Variants in TAS1R1 observed in about 807,000 individuals in gnomAD.
TAS1R1 encodes taste 1 receptor member 1, also known as taste receptor type 1 member 1.
Under a neutral mutation model 45.8 loss-of-function variants are expected in TAS1R1, and 31 were observed. The observed-to-expected ratio is 0.68, with a 90% CI of 0.51 to 0.91. The LOEUF (loss-of-function observed/expected upper bound fraction) is 0.91, where lower values mean the gene tolerates loss of function less well. TAS1R1 is among the 40% of genes least tolerant of loss of function. TAS1R1 has a pLI of 0.00. For missense variants in TAS1R1, 1,051 were observed against 1,063.9 expected (o/e 0.99, Z 0.17); for synonymous variants, 437 against 448.4 (o/e 0.97, Z 0.32).
Position 6,555,565 on chromosome 1 carries a change from G to A in TAS1R1, c.191+1G>A, listed in dbSNP as rs200745059. The stretch of plus-strand genomic sequence containing the variant: ...GACCCGAGGTGACCCTGTGTGACAG[G>A]TGAGTGAGGGGCCAGCAGAGCCACA... On this transcript the variant is annotated splice_donor_variant, in intron 1 of 5. Transcript: ENST00000333172. LOFTEE classifies it high-confidence loss of function. The A allele has an allele frequency of 5.2e-6, 8 of 1,544,228 alleles. No individual in the cohort carries two copies. In the East Asian group the frequency reaches 1.7e-4, roughly 33 times the overall value.
intron 1 of TAS1R1, among the ~76,000 whole-genome samples, chr1:6,561,135 G>A (rs1639780670): frequency 6.6e-6 from 1 of 152,196 alleles, no homozygotes; most frequent in Admixed American, 6.5e-5. Context: ...GGAGATGTAG[G>A]AGGCAAGGGC....
intron 1 of TAS1R1, among the ~76,000 whole-genome samples, chr1:6,559,511 T>G (rs560660547): frequency 6.7e-6 from 1 of 149,850 alleles, no homozygotes; most frequent in East Asian, 2.0e-4. Flanking sequence ...ACAAAAAAAT[T>G]AGCTGGGCGT....
At position 6,575,299 on chromosome 1, in the gene TAS1R1, A is replaced by C. The variant is rs1221996125; in HGVS notation, c.1167A>C (p.Ala389=). ...KAFSMSSAYN[A]YRAVYAVAHG... ...TCTCCATGAGTTCTGCCTACAACGCATACCGGGCTGTGTATGCGGTGGCCC... is the reference window on the plus strand; with the variant it reads ...TCTCCATGAGTTCTGCCTACAACGCCTACCGGGCTGTGTATGCGGTGGCCC... Residue 389 remains alanine (A), a synonymous_variant, in exon 3 of 6, where the codon GCA becomes GCC. Transcript: ENST00000333172. 2 of 1,612,908 alleles carry C rather than the reference A, an allele frequency of 1.2e-6. No individual in the cohort carries two copies. Among genetic ancestry groups the C allele is most frequent in the African/African-American group, 2.7e-5 (2 of 74,906 alleles).
At chr1:6,576,735 C>A in intron 4 of TAS1R1, 108 bp downstream of exon 4, 1 of 1,405,604 alleles carries the variant, frequency 7.1e-7, no homozygotes, top group Non-Finnish European at 9.8e-7. Flanking sequence ...CCCAGGGGTC[C>A]AGCTGCCACC....
intron 1 of TAS1R1, among the ~76,000 whole-genome samples, chr1:6,569,971 A>G (rs1570119103): frequency 7.4e-6 from 1 of 135,660 alleles, no homozygotes; most frequent in South Asian, 2.6e-4. Context: ...GTGGGATGAG[A>G]GGGGGAAAGG....
At chr1:6,564,623 G>T (rs1009375409) in intron 1 of TAS1R1, among the ~76,000 whole-genome samples, 3 of 152,108 alleles carry the variant, frequency 2.0e-5, no homozygotes, top group Non-Finnish European at 4.4e-5. Flanking sequence ...GGATATGGAG[G>T]CGCCACTGGA....
chr1:6,558,749 C>A (rs1639729094), intron 1 of TAS1R1, among the ~76,000 whole-genome samples: 2 of 151,838 alleles, frequency 1.3e-5, no homozygotes, highest in African/African-American at 4.8e-5. Context: ...GAGACAGTCT[C>A]CCTCCGTCAT....
chr1:6,556,632 C>A (rs1283216979), intron 1 of TAS1R1, among the ~76,000 whole-genome samples: 2 of 151,584 alleles, frequency 1.3e-5, no homozygotes, highest in Non-Finnish European at 2.9e-5. Flanking sequence ...GAACTCCCGA[C>A]CTCAGGTGAT....
Position 6,579,168 on chromosome 1 carries a change from C to G in TAS1R1, c.2110C>G (p.Leu704Val). Residue 704 changes from leucine to valine, a missense_variant, in exon 6 of 6, where the codon CTG (leucine) becomes GTG (valine). Transcript: ENST00000333172. ...AACTTGGCTGGTGGTGTGGACCCCACTGCCTGCTAGGGAATACCAGCGCTT... is the reference window on the plus strand; with the variant it reads ...AACTTGGCTGGTGGTGTGGACCCCAGTGCCTGCTAGGGAATACCAGCGCTT... ...CLTWLVVWTP[L>V]PAREYQRFPH... The G allele has an allele frequency of 6.2e-7, 1 of 1,614,228 alleles. No homozygotes were observed. The highest frequency in any genetic ancestry group is 8.5e-7 in the Non-Finnish European group (1 of 1,180,044).
intron 1 of TAS1R1, among the ~76,000 whole-genome samples, chr1:6,566,444 T>C (rs1191788015): frequency 1.3e-5 from 2 of 151,746 alleles, no homozygotes; most frequent in Middle Eastern, 3.2e-3. Context: ...CTTGAACGAG[T>C]CAATATGAGC....
chr1:6,566,949 T>C (rs1159432651), intron 1 of TAS1R1, among the ~76,000 whole-genome samples: 3 of 152,082 alleles, frequency 2.0e-5, no homozygotes. Context: ...GATGGTGGTA[T>C]CCTACACTAT....
At chr1:6,569,199 T>G (rs1639946569) in intron 1 of TAS1R1, among the ~76,000 whole-genome samples, 2 of 151,240 alleles carry the variant, frequency 1.3e-5, no homozygotes, top group Admixed American at 6.6e-5. Context: ...GTGGCGAGGA[T>G]GGGGAAAATT....
intron 4 of TAS1R1, 136 bp downstream of exon 4, chr1:6,576,763 C>G (rs1640189907): frequency 7.3e-7 from 1 of 1,373,198 alleles, no homozygotes; most frequent in Non-Finnish European, 1.0e-6. Context: ...CCATCCTGGC[C>G]AGGGAAGCAG....
rs564996183 is a variant in TAS1R1, at chr1:6,569,510, C to T, written c.192-1399C>T. ...CAGTATTACAGTAGAAAAGCAGCTT[C>T]TTAGGACAGACCTCTGAATGGAGGC... On this transcript the variant is annotated intron_variant, in intron 1 of 5. Transcript: ENST00000333172. Among the ~76,000 whole-genome samples, 539 of 152,264 alleles carry T rather than the reference C, an allele frequency of 3.5e-3. 12 individuals carry two copies. Among genetic ancestry groups the T allele is most frequent in the Admixed American group, 0.014 (221 of 15,300 alleles).
intron 5 of TAS1R1, among the ~76,000 whole-genome samples, chr1:6,578,267 C>T (rs1419155845): frequency 6.6e-6 from 1 of 152,198 alleles, no homozygotes; most frequent in African/African-American, 2.4e-5. Flanking sequence ...CACAGAGCAG[C>T]AGCTCAGGAA....
At chr1:6,558,054 GTTT>G (rs1639717655) in intron 1 of TAS1R1, among the ~76,000 whole-genome samples, 1 of 47,344 alleles carries the variant, frequency 2.1e-5, no homozygotes, top group African/African-American at 4.9e-5. Flanking sequence ...TTTTGTTTTT[GTTT>G]TTTTTCTGAG....
chr1:6,577,427 C>G (rs1012396330), intron 5 of TAS1R1, among the ~76,000 whole-genome samples: 1 of 151,552 alleles, frequency 6.6e-6, no homozygotes, highest in East Asian at 1.9e-4. Context: ...CCCAGCTACT[C>G]GGGAGGCTGA....
intron 1 of TAS1R1, among the ~76,000 whole-genome samples, chr1:6,566,648 T>G (rs569309063): frequency 6.6e-6 from 1 of 152,200 alleles, no homozygotes; most frequent in Non-Finnish European, 1.5e-5. Context: ...CAGGCCAGAC[T>G]GCAGTGGCGC....
chr1:6,572,462 T>C (rs1239293065), intron 2 of TAS1R1, among the ~76,000 whole-genome samples: 1 of 152,086 alleles, frequency 6.6e-6, no homozygotes, highest in Non-Finnish European at 1.5e-5. Flanking sequence ...GGTCTCACTA[T>C]GTTGCCTAGA....
Sources: allele counts gnomAD v4.1 joint callset (sites outside exome capture counted in the v4.1 genomes callset), GRCh38; gene constraint gnomAD v4.1.1; transcripts MANE v1.5; gene names NCBI Gene and HGNC (gene_info 2026-07-23, HGNC 2026-07-21).